The following ATP11A variants were observed in gnomAD, a reference collection of about 807,000 sequenced individuals.
ATP11A encodes phospholipid-transporting ATPase IH.
ATP11A carries 81 observed loss-of-function variants against 154.4 expected under a neutral mutation model. That is an observed-to-expected ratio of 0.52 (90% CI 0.44 to 0.63). The LOEUF is 0.63. Among genes scored for constraint, ATP11A ranks in the 30% least tolerant of loss-of-function variants. The pLI is 0.00. For synonymous variants in ATP11A, 623 were observed against 585.9 expected (o/e 1.06, Z -0.91); for missense variants, 1,316 against 1,474.3 (o/e 0.89, Z 1.76).
At chr13:112,817,058 C>T (rs539821292) in intron 6 of ATP11A, among the ~76,000 whole-genome samples, 1 of 152,280 alleles carries the variant, frequency 6.6e-6, no homozygotes, top group African/African-American at 2.4e-5. Context: ...AAATTCTGCA[C>T]AGGCAGTTGA....
chr13:112,842,224 A>G lies in ATP11A; in HGVS notation c.1706-52A>G. 2.2e-6 allele frequency: 3 copies of G among 1,370,876 alleles called. No homozygotes were observed. The South Asian group carries it at 3.8e-5, about 17-fold the overall frequency. 84.9% of individuals were successfully genotyped at this position (1,370,876 alleles called of 1,614,324 possible). On this transcript the variant is annotated intron_variant, in intron 16 of 29. Coordinates refer to ENST00000375645, the MANE Select transcript of ATP11A (RefSeq NM_015205.3). ...AATAATGGCATAATTTTAAAAAATA[A>G]TCTAGTCTTCCCCATATTGTGATTA...
rs541773523 is a variant in ATP11A at position 112,882,231 on chromosome 13, C to A, written c.*365C>A. 2 of 846,464 alleles carry A rather than the reference C, an allele frequency of 2.4e-6. No individual in the cohort carries two copies. Among genetic ancestry groups the A allele is most frequent in the South Asian group, 3.2e-5 (2 of 63,268 alleles). 52.4% of individuals were successfully genotyped at this position (846,464 alleles called of 1,614,324 possible). A position where few individuals can be genotyped will look rare whatever the true frequency, so the allele number is the denominator to read the frequency against. ...TGGCCTCTGGGCATTCGGCTCAACG[C>A]AGGAGGGACATTCTGCTGGCCCACC... is the stretch of plus-strand genomic sequence containing the variant. On this transcript the variant is annotated 3_prime_UTR_variant, in exon 30 of 30. Coordinates refer to ENST00000375645, the MANE Select transcript of ATP11A (RefSeq NM_015205.3). This position sits in a 1 kb window ranked among gnomAD's most constrained non-coding sequence, Gnocchi z 5.1.
rs137968842 is a variant in ATP11A, at chr13:112,693,452, T to C, written c.39+2997T>C. The stretch of plus-strand genomic sequence containing the variant: ...GGTGTATGCTCTCTGGGGTGATGTA[T>C]GAGCTGTGGGTACGGGGAGAGGGGA... On this transcript the variant is annotated intron_variant, in intron 1 of 29. Coordinates refer to ENST00000375645, the MANE Select transcript of ATP11A (RefSeq NM_015205.3). Among the ~76,000 whole-genome samples the C allele has an allele frequency of 1.6e-3, 241 of 151,352 alleles. 4 individuals carry two copies. In the East Asian group the frequency reaches 0.029, roughly 19 times the overall value.
At chr13:112,866,258 T>C (rs1182087735) in intron 25 of ATP11A, among the ~76,000 whole-genome samples, 1 of 152,204 alleles carries the variant, frequency 6.6e-6, no homozygotes, top group East Asian at 1.9e-4. Flanking sequence ...CAAACGTGAA[T>C]TCCTGTGTGC....
rs1436323268 is a variant in ATP11A, at chr13:112,810,632, G to A, written c.347G>A (p.Trp116Ter). The A allele has an allele frequency of 6.2e-7, 1 of 1,613,792 alleles. No individual in the cohort carries two copies. The highest frequency in any genetic ancestry group is 1.7e-5 in the Admixed American group (1 of 60,000). ...VTAIKQGYEDWLRHKADNAMN... is the reference protein window; with the variant it reads ...VTAIKQGYED The stretch of plus-strand genomic sequence containing the variant: ...TCCTTTTTTTAGGGTTATGAAGACT[G>A]GCTTCGACATAAAGCAGACAATGCC... Residue 116 changes from tryptophan to a stop codon, truncating the protein, a stop_gained, in exon 5 of 30, where the codon TGG becomes TAG. Coordinates refer to ENST00000375645, the MANE Select transcript of ATP11A (RefSeq NM_015205.3). LOFTEE classifies it high-confidence loss of function.
intron 2 of ATP11A, among the ~76,000 whole-genome samples, chr13:112,790,962 G>A (rs750979041): frequency 6.6e-6 from 1 of 152,190 alleles, no homozygotes; most frequent in Non-Finnish European, 1.5e-5. Context: ...TAAGTCCTGT[G>A]GGTGGTTTCC....
rs2079128377 is a variant in ATP11A at position 112,832,734 on chromosome 13, A to G, written c.1396-126A>G. ...CCCACTGTATAACCCCTCACCGCCC[A>G]CAAGCTGCCTTCGTGGCCGCGGGGA... On this transcript the variant is annotated intron_variant, in intron 13 of 29. Coordinates refer to ENST00000375645, the MANE Select transcript of ATP11A (RefSeq NM_015205.3). The G allele has an allele frequency of 3.7e-6, 4 of 1,086,462 alleles. No homozygotes were observed. The Admixed American group carries it at 6.5e-5, about 18-fold the overall frequency. The allele number at this position is 1,086,462 out of a possible 1,614,324, so 67.3% of individuals were successfully genotyped here. A position where few individuals can be genotyped will look rare whatever the true frequency, so the allele number is the denominator to read the frequency against.
intron 2 of ATP11A, among the ~76,000 whole-genome samples, chr13:112,791,443 G>A (rs2077854198): frequency 6.6e-6 from 1 of 152,244 alleles, no homozygotes; most frequent in South Asian, 2.1e-4. Flanking sequence ...GCTGTGTGGG[G>A]TCACAGGGAA....
At chr13:112,770,842 G>C (rs939248686) in intron 1 of ATP11A, among the ~76,000 whole-genome samples, 1 of 152,174 alleles carries the variant, frequency 6.6e-6, no homozygotes, top group Admixed American at 6.5e-5. Flanking sequence ...ACGATCTTCT[G>C]ACCATCAAAC....
intron 4 of ATP11A, among the ~76,000 whole-genome samples, chr13:112,808,837 C>G (rs1457520419): frequency 6.6e-6 from 1 of 152,154 alleles, no homozygotes; most frequent in South Asian, 2.1e-4. Context: ...TGTGCAGGGC[C>G]CCTCCGATCA....
In ATP11A at chr13:112,785,766, C is replaced by T. The variant is rs1031888499; in HGVS notation, c.162+509C>T. Among the ~76,000 whole-genome samples, 2 of 152,228 alleles carry T rather than the reference C, an allele frequency of 1.3e-5. No individual in the cohort carries two copies. Among genetic ancestry groups the T allele is most frequent in the Admixed American group, 6.5e-5 (1 of 15,286 alleles). On this transcript the variant is annotated intron_variant, in intron 2 of 29. Transcript: ENST00000375645. The surrounding 1 kb of genome is among the most constrained non-coding windows in gnomAD (Gnocchi z 4.8). The stretch of plus-strand genomic sequence containing the variant: ...GGAAGCACAAGCAGAGTGCCGCGGT[C>T]TAAACGAAGCGTGTTTCTCTCCATG...
At position 112,715,759 on chromosome 13, in the gene ATP11A, G is replaced by A. The variant is rs77051551; in HGVS notation, c.39+25304G>A. 2.9e-3 allele frequency among the ~76,000 whole-genome samples: 442 copies of A among 151,828 alleles called. 2 individuals are homozygous for A. Among genetic ancestry groups the A allele is most frequent in the African/African-American group, 9.8e-3 (405 of 41,436 alleles). On this transcript the variant is annotated intron_variant, in intron 1 of 29. Coordinates refer to ENST00000375645, the MANE Select transcript of ATP11A (RefSeq NM_015205.3). ...CAGCAGTTGTGCTATTTTGCAGGACGAATTCGCACCTGTTTCTGTGTTGCT... is the reference window on the plus strand; with the variant it reads ...CAGCAGTTGTGCTATTTTGCAGGACAAATTCGCACCTGTTTCTGTGTTGCT...
chr13:112,729,336 C>G (rs1890232481), intron 1 of ATP11A, among the ~76,000 whole-genome samples: 1 of 152,232 alleles, frequency 6.6e-6, no homozygotes, highest in African/African-American at 2.4e-5. Context: ...ATGGGTTTAT[C>G]CGACTCTGCC....
intron 1 of ATP11A, among the ~76,000 whole-genome samples, chr13:112,692,032 T>G (rs1375430379): frequency 6.6e-6 from 1 of 152,140 alleles, no homozygotes; most frequent in African/African-American, 2.4e-5. Flanking sequence ...CTAATGTGAG[T>G]GGTAAACCTG....
Position 112,881,979 on chromosome 13 carries a change from CA to C in ATP11A, c.*114del. The stretch of plus-strand genomic sequence containing the variant: ...AAGGAGAAGGTGTCCACGGAGCCCC[CA>C]CCCATCCTCGGCGGTTCCCATCACC... On this transcript the variant is annotated 3_prime_UTR_variant, in exon 30 of 30. Transcript: ENST00000375645. 7.3e-7 allele frequency: 1 copy of C among 1,367,852 alleles called. No individual in the cohort carries two copies. The highest frequency in any genetic ancestry group is 9.8e-7 in the Non-Finnish European group (1 of 1,021,998). 84.7% of individuals were successfully genotyped at this position (1,367,852 alleles called of 1,614,324 possible).
intron 1 of ATP11A, among the ~76,000 whole-genome samples, chr13:112,725,657 C>G (rs907763695): frequency 1.4e-4 from 22 of 152,220 alleles, no homozygotes; most frequent in African/African-American, 5.3e-4. Flanking sequence ...GATGCACCAG[C>G]CCTCCCATGC....
chr13:112,738,202 G>T (rs113101302), intron 1 of ATP11A, among the ~76,000 whole-genome samples: 215 of 152,024 alleles, frequency 1.4e-3, no homozygotes, highest in Admixed American at 0.013. Context: ...GTGAAACCCC[G>T]TCTCTACTAA....
chr13:112,785,119 G>T lies in ATP11A; in HGVS notation c.40-16G>T. Reference sequence around the variant, plus strand: ...GGTTCTGAGGCAGCTGCCTAACACCGCTCTCCTTTCCGCAGTGTGCAGGAG... The same window carrying T: ...GGTTCTGAGGCAGCTGCCTAACACCTCTCTCCTTTCCGCAGTGTGCAGGAG... On this transcript the variant is annotated splice_polypyrimidine_tract_variant and intron_variant, in intron 1 of 29. Transcript: ENST00000375645. This position sits in a 1 kb window ranked among gnomAD's most constrained non-coding sequence, Gnocchi z 4.8. 5 of 1,455,282 alleles carry T rather than the reference G, an allele frequency of 3.4e-6. No homozygotes were observed. Among genetic ancestry groups the T allele is most frequent in the Non-Finnish European group, 3.6e-6 (4 of 1,099,018 alleles). The allele number at this position is 1,455,282 out of a possible 1,614,324, so 90.1% of individuals were successfully genotyped here.
chr13:112,717,787 T>C (rs1383890013), intron 1 of ATP11A: 3 of 152,248 alleles, frequency 2.0e-5, no homozygotes, highest in Non-Finnish European at 4.4e-5. Flanking sequence ...TAGAAATGAT[T>C]GCCACGTGGC....
Sources: allele counts gnomAD v4.1 joint callset (sites outside exome capture counted in the v4.1 genomes callset), GRCh38; gene constraint gnomAD v4.1.1; non-coding constraint Gnocchi (gnomAD v3.1); transcripts MANE v1.5; gene names NCBI Gene and HGNC (gene_info 2026-07-23, HGNC 2026-07-21).